The following KLRG1 variants were observed in gnomAD, a reference collection of about 807,000 sequenced individuals.
KLRG1 encodes killer cell lectin-like receptor subfamily G member 1.
Under a neutral mutation model 21.8 loss-of-function variants are expected in KLRG1, and 16 were observed. The ratio of observed to expected loss-of-function variants is 0.73; its 90% CI spans 0.50 to 1.11. The LOEUF (loss-of-function observed/expected upper bound fraction) is 1.11. Ranked by LOEUF, KLRG1 falls within the 50% of genes most tolerant of loss-of-function variation. The probability of loss-of-function intolerance (pLI) is 0.00; values close to 1 mark genes in which losing one functional copy is unlikely to be tolerated. For synonymous variants in KLRG1, 69 were observed against 75.9 expected (o/e 0.91, Z 0.47); for missense variants, 173 against 218.3 (o/e 0.79, Z 1.31).
chr12:8,976,975 G>A (rs957549125), intron 1 of KLRG1, among the ~76,000 whole-genome samples: 24 of 151,706 alleles, frequency 1.6e-4, no homozygotes, highest in Non-Finnish European at 2.9e-4. Flanking sequence ...GGTCTTGAAC[G>A]CCTGACCTCA....
the KLRG1 span, among the ~76,000 whole-genome samples, chr12:9,087,093 AT>A: frequency 1.3e-5 from 2 of 152,240 alleles, no homozygotes; most frequent in East Asian, 3.9e-4. Flanking sequence ...TACAGTGAAA[AT>A]TATAAAACAC....
At chr12:9,030,527 C>G in the KLRG1 span, among the ~76,000 whole-genome samples, 1 of 152,132 alleles carries the variant, frequency 6.6e-6, no homozygotes, top group Non-Finnish European at 1.5e-5. Context: ...CTGCCTCAGC[C>G]TCCCAAGTAG....
the KLRG1 span, chr12:9,160,607 T>C: frequency 2.2e-6 from 2 of 922,186 alleles, no homozygotes; most frequent in Non-Finnish European, 1.6e-6. Context: ...AAAAGTTATA[T>C]ACACAGAGTG....
the KLRG1 span, among the ~76,000 whole-genome samples, chr12:9,194,661 T>C: frequency 6.6e-6 from 1 of 152,036 alleles, no homozygotes. Context: ...AGACGGGGTT[T>C]CACCATGTTA....
chr12:9,077,008 G>T, the KLRG1 span: 1 of 1,415,910 alleles, frequency 7.1e-7, no homozygotes, highest in South Asian at 1.6e-5. Flanking sequence ...CAAATACACG[G>T]ATCACAGCAC....
chr12:9,149,984 C>G, the KLRG1 span, among the ~76,000 whole-genome samples: 2 of 152,130 alleles, frequency 1.3e-5, no homozygotes, highest in Non-Finnish European at 2.9e-5. Flanking sequence ...TCTATAGACC[C>G]CCAAAACTCC....
chr12:9,201,597 G>A, the KLRG1 span, among the ~76,000 whole-genome samples: 1 of 151,930 alleles, frequency 6.6e-6, no homozygotes, highest in African/African-American at 2.4e-5. Context: ...TGATATTATT[G>A]AATCTTTAAG....
chr12:9,202,125 T>A, the KLRG1 span, among the ~76,000 whole-genome samples: 1 of 152,302 alleles, frequency 6.6e-6, no homozygotes, highest in African/African-American at 2.4e-5. Context: ...AATACTGTTA[T>A]AAGAGAAAGA....
At chr12:9,028,107 A>C in the KLRG1 span, 5,281 of 969,368 alleles carry the variant, frequency 5.4e-3, 157 homozygotes, top group African/African-American at 0.071. Flanking sequence ...AATTTTTCCA[A>C]ACTGTTCAAA....
At chr12:8,997,628 A>G (rs1430099124) in intron 3 of KLRG1, among the ~76,000 whole-genome samples, 2 of 152,164 alleles carry the variant, frequency 1.3e-5, no homozygotes, top group Non-Finnish European at 2.9e-5. Flanking sequence ...GCCTATGGAA[A>G]ATATCCCTCT....
chr12:9,104,456 C>T, the KLRG1 span: 17 of 1,509,926 alleles, frequency 1.1e-5, no homozygotes, highest in Non-Finnish European at 1.4e-5. Context: ...AGGCACCAAA[C>T]ATATTCATTT....
intron 2 of KLRG1, among the ~76,000 whole-genome samples, chr12:8,994,424 C>A (rs1360206195): frequency 6.6e-6 from 1 of 152,164 alleles, no homozygotes; most frequent in African/African-American, 2.4e-5. Context: ...TGTGGATCTT[C>A]CGTATTTAAA....
the KLRG1 span, chr12:9,115,696 A>G: frequency 2.3e-5 from 27 of 1,186,220 alleles, no homozygotes; most frequent in East Asian, 1.9e-4. Flanking sequence ...AAGGAATGAT[A>G]TAAAGAAAAA....
the KLRG1 span, among the ~76,000 whole-genome samples, chr12:9,033,008 C>T: frequency 1.3e-5 from 2 of 152,202 alleles, no homozygotes; most frequent in African/African-American, 4.8e-5. Context: ...AGTTAGCCTC[C>T]TGTCAATCAA....
At chr12:9,016,056 A>G in the KLRG1 span, among the ~76,000 whole-genome samples, 1 of 152,290 alleles carries the variant, frequency 6.6e-6, no homozygotes, top group African/African-American at 2.4e-5. Context: ...ATAAAAAAGT[A>G]AAAATGCCTC....
the KLRG1 span, among the ~76,000 whole-genome samples, chr12:9,195,702 C>A: frequency 2.6e-4 from 39 of 149,688 alleles, no homozygotes; most frequent in East Asian, 3.7e-3. Flanking sequence ...GATCCTCCCC[C>A]CTTGGCCTCC....
intron 2 of KLRG1, among the ~76,000 whole-genome samples, chr12:8,994,209 G>A (rs1479932369): frequency 3.3e-5 from 5 of 152,064 alleles, no homozygotes; most frequent in Non-Finnish European, 7.4e-5. Context: ...GATTACAGGC[G>A]GGTGCCACCA....
the KLRG1 span, chr12:9,093,699 A>G: frequency 5.0e-5 from 29 of 580,014 alleles, no homozygotes; most frequent in Non-Finnish European, 7.3e-5. Context: ...AATAGAGAGG[A>G]AGGAGGAGAG....
intron 1 of KLRG1, among the ~76,000 whole-genome samples, chr12:8,973,642 G>T (rs898370172): frequency 2.6e-5 from 4 of 152,142 alleles, no homozygotes; most frequent in African/African-American, 9.7e-5. Context: ...CTAAGACATA[G>T]TATGGATATT....
Sources: gnomAD v4.1 joint callset for allele counts (sites outside exome capture counted in the v4.1 genomes callset) on GRCh38, gnomAD v4.1.1 for gene constraint, MANE v1.5 for transcripts, NCBI Gene and HGNC (gene_info 2026-07-23, HGNC 2026-07-21) for gene names.